Variants in SYNE3 observed in about 807,000 individuals in gnomAD.
The protein encoded by SYNE3 is spectrin repeat containing nuclear envelope family member 3.
In SYNE3, 100 loss-of-function variants were observed where a neutral mutation model predicts 111.2. That is an observed-to-expected ratio of 0.90 (90% CI 0.77 to 1.06). The LOEUF (loss-of-function observed/expected upper bound fraction) is 1.06, where lower values mean the gene tolerates loss of function less well. Among genes scored for constraint, SYNE3 ranks in the 50% least tolerant of loss-of-function variants. SYNE3 has a pLI of 0.00. For synonymous variants in SYNE3, 547 were observed against 533.9 expected, an observed-to-expected ratio of 1.02 and a Z score of -0.34; for missense variants, 1,160 against 1,240.3, an observed-to-expected ratio of 0.94 and a Z score of 0.97.
intron 17 of SYNE3, among the ~76,000 whole-genome samples, chr14:95,421,328 T>C (rs1885111827): frequency 6.6e-6 from 1 of 152,030 alleles, no homozygotes; most frequent in Non-Finnish European, 1.5e-5. Flanking sequence ...TCCTCCAAGG[T>C]CTTACATGAT....
rs1342741210 is a variant in SYNE3 at position 95,449,964 on chromosome 14, C to T, written c.1416G>A (p.Leu472=). ...GGGGCAGGAAGGTGTGAAGGGAAGG[C>T]AGGTCCGGCAGGCTGGCAGTGACCT... ...LLEVTASLPD[L]PSLHTFLPQI... is the part of the protein sequence containing the mutation. Residue 472 remains leucine (L), a synonymous_variant, in exon 8 of 18, where the codon CTG becomes CTA. Transcript: ENST00000682763. 6.4e-7 allele frequency: 1 copy of T among 1,554,666 alleles called. No homozygotes were observed. The highest frequency in any genetic ancestry group is 2.4e-5 in the East Asian group (1 of 41,246).
Position 95,433,422 on chromosome 14 carries a change from G to T in SYNE3, c.2539-13C>A. The T allele has an allele frequency of 6.2e-7, 1 of 1,613,466 alleles. No homozygotes were observed. The highest frequency in any genetic ancestry group is 1.3e-5 in the African/African-American group (1 of 75,062). ...GAGCCTCCAGCTCCTGGGGGAAACA[G>T]CAGCGTCATGGTGCGGCTTCCAAAT... On this transcript the variant is annotated splice_polypyrimidine_tract_variant and intron_variant, in intron 15 of 17. Coordinates refer to ENST00000682763, the MANE Select transcript of SYNE3 (RefSeq NM_152592.6).
At position 95,417,426 on chromosome 14, in the gene SYNE3, T is replaced by A; in HGVS notation, c.*400A>T. Reference sequence around the variant, plus strand: ...ATTCGCTTTGGAGAAGAGGTTGCCATGAAAGTGACATGTTATTGTTCTTGC... The same window carrying A: ...ATTCGCTTTGGAGAAGAGGTTGCCAAGAAAGTGACATGTTATTGTTCTTGC... On this transcript the variant is annotated 3_prime_UTR_variant, in exon 18 of 18. Transcript: ENST00000682763. 1 of 251,660 alleles carries A rather than the reference T, an allele frequency of 4.0e-6. No homozygotes were observed. Among genetic ancestry groups the A allele is most frequent in the East Asian group, 8.9e-5 (1 of 11,296 alleles). 15.6% of individuals were successfully genotyped at this position (251,660 alleles called of 1,614,324 possible). A position where few individuals can be genotyped will look rare whatever the true frequency, so the allele number is the denominator to read the frequency against.
At chr14:95,466,614 ATTTCTCT>A (rs1888195697) in intron 3 of SYNE3, among the ~76,000 whole-genome samples, 1 of 152,104 alleles carries the variant, frequency 6.6e-6, no homozygotes, top group Non-Finnish European at 1.5e-5. Flanking sequence ...ACCCCCAGTC[ATTTCTCT>A]TTGGCACTGG....
chr14:95,487,711 T>C (rs1889618789), intron 1 of SYNE3, among the ~76,000 whole-genome samples: 1 of 152,192 alleles, frequency 6.6e-6, no homozygotes. Flanking sequence ...ACCTCCCACC[T>C]ACACCCTCTC....
Position 95,413,704 on chromosome 14 carries a change from C to T in SYNE3, c.*4122G>A, listed in dbSNP as rs996325166. 6.6e-6 allele frequency: 1 copy of T among 152,328 alleles called. No individual in the cohort carries two copies. Among genetic ancestry groups the T allele is most frequent in the Non-Finnish European group, 1.5e-5 (1 of 68,162 alleles). 9.4% of individuals were successfully genotyped at this position (152,328 alleles called of 1,614,324 possible). On this transcript the variant is annotated 3_prime_UTR_variant, in exon 18 of 18. Transcript: ENST00000682763. ...TGCCCGGAGACAAGCATCTTTGGAC[C>T]CCCGGTCCCTGCAGGGAACTCCAGC...
At chr14:95,515,085 C>T (rs1890866836) in intron 1 of SYNE3, among the ~76,000 whole-genome samples, 1 of 152,258 alleles carries the variant, frequency 6.6e-6, no homozygotes, top group Non-Finnish European at 1.5e-5. Flanking sequence ...CTCACCACTT[C>T]CCTCTGTGCC....
intron 1 of SYNE3, among the ~76,000 whole-genome samples, chr14:95,481,316 C>T (rs1315796329): frequency 6.6e-6 from 1 of 152,202 alleles, no homozygotes; most frequent in Non-Finnish European, 1.5e-5. Flanking sequence ...GGAAAGCAAG[C>T]CCGTGTGAGT....
intron 1 of SYNE3, among the ~76,000 whole-genome samples, chr14:95,505,890 A>G (rs953872114): frequency 1.3e-5 from 2 of 152,170 alleles, no homozygotes; most frequent in African/African-American, 4.8e-5. Flanking sequence ...TGAGATGTTC[A>G]CCTAGACAAG....
rs1903533414 is a variant in SYNE3, at chr14:95,414,993, A to T, written c.*2833T>A. On this transcript the variant is annotated 3_prime_UTR_variant, in exon 18 of 18. Coordinates refer to ENST00000682763, the MANE Select transcript of SYNE3 (RefSeq NM_152592.6). ...ATGGCATCATTATCAAAATTTAAAA[A>T]ATATAGGTAGATATTCCCACCCCCG... 6.6e-6 allele frequency: 1 copy of T among 152,170 alleles called. No homozygotes were observed. Among genetic ancestry groups the T allele is most frequent in the Non-Finnish European group, 1.5e-5 (1 of 68,024 alleles). 9.4% of individuals were successfully genotyped at this position (152,170 alleles called of 1,614,324 possible). A position where few individuals can be genotyped will look rare whatever the true frequency, so the allele number is the denominator to read the frequency against.
chr14:95,477,521 T>C (rs1012017419), intron 1 of SYNE3, among the ~76,000 whole-genome samples: 3 of 152,220 alleles, frequency 2.0e-5, no homozygotes, highest in Non-Finnish European at 4.4e-5. Flanking sequence ...AGTTAGTAAG[T>C]ATCTACTGGG....
rs74080281 is a variant in SYNE3 at position 95,475,884 on chromosome 14, T to C, written c.-14-49A>G. The C allele has an allele frequency of 2.4e-3, 3,296 of 1,384,042 alleles. 77 individuals are homozygous for C. In the African/African-American group the frequency reaches 0.043, roughly 18 times the overall value. 85.7% of individuals were successfully genotyped at this position (1,384,042 alleles called of 1,614,324 possible). A position where few individuals can be genotyped will look rare whatever the true frequency, so the allele number is the denominator to read the frequency against. On this transcript the variant is annotated intron_variant, in intron 1 of 17. Coordinates refer to ENST00000682763, the MANE Select transcript of SYNE3 (RefSeq NM_152592.6). ...GCCAACAGGCAGGAATGTAGGGGGCTGCAAAAAGACCCCCGGCAGGACACC... is the reference window on the plus strand; with the variant it reads ...GCCAACAGGCAGGAATGTAGGGGGCCGCAAAAAGACCCCCGGCAGGACACC...
chr14:95,491,004 G>GAATA (rs1889823830), intron 1 of SYNE3, among the ~76,000 whole-genome samples: 4 of 152,218 alleles, frequency 2.6e-5, no homozygotes, highest in Admixed American at 2.6e-4. Flanking sequence ...CAGAGGAGGA[G>GAATA]GGCAGTGCTG....
Position 95,416,847 on chromosome 14 carries a change from C to T in SYNE3, c.*979G>A, listed in dbSNP as rs532532617. On this transcript the variant is annotated 3_prime_UTR_variant, in exon 18 of 18. Coordinates refer to ENST00000682763, the MANE Select transcript of SYNE3 (RefSeq NM_152592.6). ...CCTTCTCACCTGCAGCTCGAGCTCTCGACGATGAAAACTCAGTCCAGGAGC... is the reference window on the plus strand; with the variant it reads ...CCTTCTCACCTGCAGCTCGAGCTCTTGACGATGAAAACTCAGTCCAGGAGC... 2.0e-5 allele frequency: 3 copies of T among 152,442 alleles called. No individual in the cohort carries two copies. The highest frequency in any genetic ancestry group is 2.1e-4 in the South Asian group (1 of 4,828). The allele number at this position is 152,442 out of a possible 1,614,324, so 9.4% of individuals were successfully genotyped here. A position where few individuals can be genotyped will look rare whatever the true frequency, so the allele number is the denominator to read the frequency against.
At chr14:95,424,965 C>A (rs1354582327) in intron 17 of SYNE3, among the ~76,000 whole-genome samples, 1 of 152,220 alleles carries the variant, frequency 6.6e-6, no homozygotes, top group African/African-American at 2.4e-5. Context: ...ATTGGCCTGG[C>A]ACAGTGGCTC....
chr14:95,479,908 G>T (rs1046044443), intron 1 of SYNE3, among the ~76,000 whole-genome samples: 9 of 152,112 alleles, frequency 5.9e-5, no homozygotes, highest in African/African-American at 2.2e-4. Context: ...ACTCAAAGGT[G>T]GGCTGAGACT....
chr14:95,473,874 T>G (rs59859960), intron 2 of SYNE3, among the ~76,000 whole-genome samples: 242 of 67,826 alleles, frequency 3.6e-3, no homozygotes, highest in East Asian at 6.4e-3. Context: ...TGTGAGCTTG[T>G]GAGGTGTGAC....
intron 4 of SYNE3, among the ~76,000 whole-genome samples, chr14:95,465,660 G>A (rs1467464938): frequency 6.6e-6 from 1 of 152,082 alleles, no homozygotes; most frequent in Non-Finnish European, 1.5e-5. Flanking sequence ...TGAACAAATG[G>A]TGGGGTAGAT....
chr14:95,456,945 C>T (rs1368851498), intron 5 of SYNE3, among the ~76,000 whole-genome samples: 2 of 151,964 alleles, frequency 1.3e-5, no homozygotes, highest in African/African-American at 4.8e-5. Flanking sequence ...ATTAGCTGGG[C>T]ATGGTGGCGG....
Sources: allele counts gnomAD v4.1 joint callset (sites outside exome capture counted in the v4.1 genomes callset), GRCh38; gene constraint gnomAD v4.1.1; transcripts MANE v1.5; gene names NCBI Gene and HGNC (gene_info 2026-07-23, HGNC 2026-07-21).